SLC66A2: variants seen among roughly 807,000 people sequenced by gnomAD.
SLC66A2 encodes PQ loop repeat containing 1.
In SLC66A2, 23 loss-of-function variants were observed where a neutral mutation model predicts 25.5. That is an observed-to-expected ratio of 0.90 (90% CI 0.65 to 1.28). The LOEUF (loss-of-function observed/expected upper bound fraction) is 1.28, where lower values mean the gene tolerates loss of function less well. SLC66A2 is among the 50% of genes most tolerant of loss of function. The pLI, the probability that SLC66A2 is intolerant of heterozygous loss-of-function variation, is 0.00. For missense variants in SLC66A2, 396 were observed against 373.1 expected, an observed-to-expected ratio of 1.06 and a Z score of -0.51; for synonymous variants, 193 against 166.5, an observed-to-expected ratio of 1.16 and a Z score of -1.23.
intron 4 of SLC66A2, among the ~76,000 whole-genome samples, chr18:79,929,336 G>A (rs931067459): frequency 5.9e-5 from 9 of 152,150 alleles, no homozygotes; most frequent in Non-Finnish European, 1.3e-4. Context: ...AGCTTAACGG[G>A]AAGATCAGGG....
At chr18:79,909,355 T>G (rs767604859) in intron 5 of SLC66A2, among the ~76,000 whole-genome samples, 3 of 152,158 alleles carry the variant, frequency 2.0e-5, no homozygotes, top group Admixed American at 6.5e-5. Flanking sequence ...CATGTGTAGT[T>G]CAAGGGTGAG....
At chr18:79,924,439 AAAG>A (rs1239671139) in intron 4 of SLC66A2, among the ~76,000 whole-genome samples, 3 of 152,194 alleles carry the variant, frequency 2.0e-5, no homozygotes, top group Non-Finnish European at 2.9e-5. Flanking sequence ...AACTTGGGGA[AAAG>A]AAGGAAACTG....
intron 3 of SLC66A2, 126 bp from the exon 4 acceptor site, chr18:79,934,148 A>G: frequency 1.3e-6 from 1 of 769,148 alleles, no homozygotes; most frequent in Non-Finnish European, 2.1e-6. Context: ...AAAACAAACC[A>G]GAATAGAAAG....
Position 79,917,755 on chromosome 18 carries a change from C to T in SLC66A2, c.608+1429G>A, listed in dbSNP as rs994774444. ...TCTCGGGCCTCCATGCACCCTCGCCCGAGAAACCCCAGCAACCCCCCTGGT... is the reference window on the plus strand; with the variant it reads ...TCTCGGGCCTCCATGCACCCTCGCCTGAGAAACCCCAGCAACCCCCCTGGT... On this transcript the variant is annotated intron_variant, in intron 5 of 5. Transcript: ENST00000397778. This position sits in a 1 kb window ranked among gnomAD's most constrained non-coding sequence, Gnocchi z 6.0. Among the ~76,000 whole-genome samples, 8 of 152,058 alleles carry T rather than the reference C, an allele frequency of 5.3e-5. No homozygotes were observed. Among genetic ancestry groups the T allele is most frequent in the Admixed American group, 2.0e-4 (3 of 15,276 alleles).
intron 5 of SLC66A2, chr18:79,916,055 GGCGCTCCCATACCCACA>G (rs1437332444): frequency 5.3e-6 from 1 of 189,692 alleles, no homozygotes; most frequent in African/African-American, 2.9e-5. Context: ...CCGTACCCAT[GGCGCTCCCATACCCACA>G]GCGCTCCCGT....
chr18:79,951,322 G>C (rs1415713674), intron 1 of SLC66A2, among the ~76,000 whole-genome samples: 1 of 151,708 alleles, frequency 6.6e-6, no homozygotes, highest in Non-Finnish European at 1.5e-5. Flanking sequence ...GGATGGGGTG[G>C]GGGAGGGGGC....
At chr18:79,925,993 C>T (rs1346304405) in intron 4 of SLC66A2, among the ~76,000 whole-genome samples, 2 of 152,146 alleles carry the variant, frequency 1.3e-5, no homozygotes, top group Non-Finnish European at 2.9e-5. Context: ...GTAAAGAAGC[C>T]GGACAAAACC....
At chr18:79,919,063 G>T in intron 5 of SLC66A2, 121 bp downstream of exon 5, 2 of 892,884 alleles carry the variant, frequency 2.2e-6, no homozygotes, top group Non-Finnish European at 3.5e-6. Flanking sequence ...TTAACCGGCA[G>T]CTTCACAGGT....
rs1984630435 is a variant in SLC66A2 at position 79,918,959 on chromosome 18, C to T, written c.608+225G>A. On this transcript the variant is annotated intron_variant, in intron 5 of 5. Coordinates refer to ENST00000397778, the MANE Select transcript of SLC66A2 (RefSeq NM_025078.5). The surrounding 1 kb of genome is among the most constrained non-coding windows in gnomAD (Gnocchi z 4.0). ...GCCCTGAAGGAGCAGCTCCCAACCC[C>T]GTGCTGGGTCTCGGCTGCCCCTCAT... Among the ~76,000 whole-genome samples the T allele has an allele frequency of 6.6e-6, 1 of 152,260 alleles. No homozygotes were observed. The highest frequency in any genetic ancestry group is 2.4e-5 in the African/African-American group (1 of 41,478).
chr18:79,926,361 A>G (rs976050276), intron 4 of SLC66A2, among the ~76,000 whole-genome samples: 2 of 152,116 alleles, frequency 1.3e-5, no homozygotes, highest in African/African-American at 4.8e-5. Flanking sequence ...AGTAATAAAC[A>G]TGAGAGGGAC....
In SLC66A2 at chr18:79,904,943, G is replaced by A. The variant is rs1981855667; in HGVS notation, c.609-760C>T. On this transcript the variant is annotated intron_variant, in intron 5 of 5. Transcript: ENST00000397778. This position sits in a 1 kb window ranked among gnomAD's most constrained non-coding sequence, Gnocchi z 6.3. ...TGGGGAGCGCTGCCTGGACAGAAAG[G>A]ACAGGACACAGCCCTCCCCCACCCT... 6.6e-6 allele frequency among the ~76,000 whole-genome samples: 1 copy of A among 152,192 alleles called. No individual in the cohort carries two copies. The highest frequency in any genetic ancestry group is 1.5e-5 in the Non-Finnish European group (1 of 68,018).
rs2051097691 is a variant in SLC66A2, at chr18:79,950,883, T to G, written c.44A>C (p.Gln15Pro). ...GLDWLLVPLH[Q>P]LVSWGAAAAM... ...CGCGGCCGCGCCCCAGGACACCAGC[T>G]GGTGCAGTGGCACCAGGAGCCAGTC... Residue 15 changes from glutamine to proline, a missense_variant, in exon 2 of 6, where the codon CAG becomes CCG. Coordinates refer to ENST00000397778, the MANE Select transcript of SLC66A2 (RefSeq NM_025078.5). The G allele has an allele frequency of 1.2e-6, 2 of 1,601,758 alleles. No individual in the cohort carries two copies. Among genetic ancestry groups the G allele is most frequent in the South Asian group, 2.2e-5 (2 of 89,778 alleles).
chr18:79,903,397 T>C lies in SLC66A2; in HGVS notation c.*579A>G, dbSNP rs552971509. On this transcript the variant is annotated 3_prime_UTR_variant, in exon 6 of 6. Coordinates refer to ENST00000397778, the MANE Select transcript of SLC66A2 (RefSeq NM_025078.5). ...CTCCAAAGGCCCAGGAAACACCGAC[T>C]GTCAGAAAACCCGGAGCACGGTGAC... The C allele has an allele frequency of 1.3e-5, 2 of 153,166 alleles. No homozygotes were observed. Among genetic ancestry groups the C allele is most frequent in the Admixed American group, 1.3e-4 (2 of 15,312 alleles). 9.5% of individuals were successfully genotyped at this position (153,166 alleles called of 1,614,324 possible). A position where few individuals can be genotyped will look rare whatever the true frequency, so the allele number is the denominator to read the frequency against.
intron 2 of SLC66A2, among the ~76,000 whole-genome samples, chr18:79,947,877 C>T (rs2050986754): frequency 6.6e-6 from 1 of 152,076 alleles, no homozygotes; most frequent in African/African-American, 2.4e-5. Flanking sequence ...GTCATCATCC[C>T]CCTCTGCACA....
At chr18:79,947,871 T>C (rs1478436662) in intron 2 of SLC66A2, among the ~76,000 whole-genome samples, 1 of 151,976 alleles carries the variant, frequency 6.6e-6, no homozygotes, top group Non-Finnish European at 1.5e-5. Flanking sequence ...GAAGGGGTCA[T>C]CATCCCCCTC....
At chr18:79,911,968 CAGG>C (rs1232384079) in intron 5 of SLC66A2, among the ~76,000 whole-genome samples, 2 of 94,854 alleles carry the variant, frequency 2.1e-5, no homozygotes, top group African/African-American at 4.2e-5. Context: ...GCAGAGGGGA[CAGG>C]AGCAGTGAGG....
In SLC66A2 at chr18:79,904,127, A is replaced by C. The variant is rs548375991; in HGVS notation, c.665T>G (p.Leu222Arg). 42 of 1,613,046 alleles carry C rather than the reference A, an allele frequency of 2.6e-5. No homozygotes were observed. In the South Asian group the frequency reaches 4.4e-4, roughly 17 times the overall value. ...SGDAFKTAYF[L>R]LKGAPLQFSV... ...GAACTGCAGAGGGGCACCCTTCAGC[A>C]GGAAGTAGGCCGTCTTGAAGGCGTC... The change falls in exon 6 of 6, where the codon CTG (leucine) becomes CGG (arginine). Residue 222 changes from leucine to arginine, a missense_variant. By Grantham distance (102) the Leu-to-Arg change is moderately radical. Transcript: ENST00000397778. This position sits in a 1 kb window ranked among gnomAD's most constrained non-coding sequence, Gnocchi z 6.3.
Position 79,919,239 on chromosome 18 carries a change from G to A in SLC66A2, c.553C>T (p.Leu185=), listed in dbSNP as rs1446376687. 2.5e-6 allele frequency: 4 copies of A among 1,613,122 alleles called. No homozygotes were observed. The highest frequency in any genetic ancestry group is 3.4e-6 in the Non-Finnish European group (4 of 1,180,018). The change falls in exon 5 of 6, where the codon CTG becomes TTG. Residue 185 remains leucine (L), a synonymous_variant. Coordinates refer to ENST00000397778, the MANE Select transcript of SLC66A2 (RefSeq NM_025078.5). Reference sequence around the variant, plus strand: ...TTGCGGTAAAGCTGGGGCACACCCAGCATGGCTTCGGTCAGCACAGCCAGG... The same window carrying A: ...TTGCGGTAAAGCTGGGGCACACCCAACATGGCTTCGGTCAGCACAGCCAGG... The part of the protein sequence containing the change: ...GFLAVLTEAM[L]GVPQLYRNHR...
At position 79,927,909 on chromosome 18, in the gene SLC66A2, A is replaced by G. The variant is rs1260982823; in HGVS notation, c.391+6060T>C. ...TGAGACACATTCCTGCAGCCGCCTC[A>G]GCTAGAGCCAGGGAGGCCCTGGGAG... On this transcript the variant is annotated intron_variant, in intron 4 of 5. Coordinates refer to ENST00000397778, the MANE Select transcript of SLC66A2 (RefSeq NM_025078.5). This position sits in a 1 kb window ranked among gnomAD's most constrained non-coding sequence, Gnocchi z 6.2. 1.3e-5 allele frequency among the ~76,000 whole-genome samples: 2 copies of G among 152,224 alleles called. No individual in the cohort carries two copies. Among genetic ancestry groups the G allele is most frequent in the Non-Finnish European group, 1.5e-5 (1 of 68,038 alleles).
Sources: gnomAD v4.1 joint callset for allele counts (sites outside exome capture counted in the v4.1 genomes callset) on GRCh38, gnomAD v4.1.1 for gene constraint, Gnocchi (gnomAD v3.1) non-coding constraint, MANE v1.5 for transcripts, NCBI Gene and HGNC (gene_info 2026-07-23, HGNC 2026-07-21) for gene names.